The following HSPA14 variants were observed in gnomAD, a reference collection of about 807,000 sequenced individuals.
HSPA14 encodes heat shock 70 kDa protein 14.
HSPA14 carries 37 observed loss-of-function variants against 65.5 expected under a neutral mutation model. That is an observed-to-expected ratio of 0.56 (90% CI 0.43 to 0.74). The LOEUF (loss-of-function observed/expected upper bound fraction) is 0.74. Ranked by LOEUF, HSPA14 falls within the 30% of genes least tolerant of loss-of-function variation. HSPA14 has a pLI of 0.00. For missense variants in HSPA14, 564 were observed against 607.6 expected, an observed-to-expected ratio of 0.93 and a Z score of 0.75; for synonymous variants, 203 against 214.2, an observed-to-expected ratio of 0.95 and a Z score of 0.46.
intron 1 of HSPA14, 88 bp from the exon 2 acceptor site, chr10:14,839,817 C>A: frequency 1.1e-6 from 1 of 889,464 alleles, no homozygotes; most frequent in Non-Finnish European, 1.7e-6. Context: ...TTTTTCTTTC[C>A]ACACAGATGG....
intron 3 of HSPA14, chr10:14,845,550 C>CA (rs1834038321): frequency 9.2e-6 from 9 of 983,512 alleles, no homozygotes; most frequent in Non-Finnish European, 8.4e-6. Context: ...GGAATCCTGT[C>CA]ACAGTTTGTT....
intron 3 of HSPA14, chr10:14,843,538 C>T: frequency 6.4e-7 from 1 of 1,550,720 alleles, no homozygotes; most frequent in Non-Finnish European, 8.7e-7. Context: ...ACCGCAGACT[C>T]CAGTCTCCTC....
rs904011216 is a variant in HSPA14, at chr10:14,855,876, A to G, written c.926A>G (p.Asn309Ser). Residue 309 changes from asparagine to serine, a missense_variant, in exon 10 of 14, where the codon AAT becomes AGT. Asn to Ser is a conservative substitution (Grantham distance 46). Coordinates refer to ENST00000378372, the MANE Select transcript of HSPA14 (RefSeq NM_016299.4). ...RFELLCSPLFNKCIEAIRGLL... is the reference protein window; with the variant it reads ...RFELLCSPLFSKCIEAIRGLL... ...GAACTTCTTTGTTCTCCACTTTTTA[A>G]TAAGTGTATAGAAGCAATCAGAGGA... 2 of 1,608,022 alleles carry G rather than the reference A, an allele frequency of 1.2e-6. No homozygotes were observed. Among genetic ancestry groups the G allele is most frequent in the Non-Finnish European group, 1.7e-6 (2 of 1,174,848 alleles).
chr10:14,851,012 C>G (rs1834104750), intron 6 of HSPA14: 1 of 448,178 alleles, frequency 2.2e-6, no homozygotes, highest in African/African-American at 2.1e-5. Flanking sequence ...AATATGGGCT[C>G]TGAACATTAC....
chr10:14,864,009 A>G (rs1832780068), intron 10 of HSPA14, among the ~76,000 whole-genome samples: 1 of 151,920 alleles, frequency 6.6e-6, no homozygotes, highest in Admixed American at 6.6e-5. Flanking sequence ...AAGCCACGAA[A>G]AGAGACCTCA....
At position 14,838,421 on chromosome 10, in the gene HSPA14, C is replaced by A. The variant is rs1833919377; in HGVS notation, c.19C>A (p.His7Asn). 1.2e-6 allele frequency: 2 copies of A among 1,606,188 alleles called. No homozygotes were observed. The highest frequency in any genetic ancestry group is 1.7e-5 in the Admixed American group (1 of 59,490). Reference protein sequence around the residue: MAAIGVHLGCTSACVAV... With the variant: MAAIGVNLGCTSACVAV... ...CTGCCTCATGGCGGCCATCGGAGTTCACCTGGGCTGCACCTCAGCCTGTGT... is the reference window on the plus strand; with the variant it reads ...CTGCCTCATGGCGGCCATCGGAGTTAACCTGGGCTGCACCTCAGCCTGTGT... The change falls in exon 1 of 14, where the codon CAC becomes AAC. Residue 7 changes from histidine (H) to asparagine (N), a missense_variant. Transcript: ENST00000378372.
chr10:14,867,882 T>G lies in HSPA14; in HGVS notation c.1353T>G (p.Ser451=). 6.2e-7 allele frequency: 1 copy of G among 1,613,822 alleles called. No homozygotes were observed. Among genetic ancestry groups the G allele is most frequent in the Non-Finnish European group, 8.5e-7 (1 of 1,179,914 alleles). ...TCTATGAGTCTGATGGGAAGAACTC[T>G]GCCAAAGAGGAAACCAAGTTTGCAC... ...LELYESDGKN[S]AKEETKFAQV... The change falls in exon 12 of 14, where the codon TCT becomes TCG. Residue 451 remains serine, a synonymous_variant. Transcript: ENST00000378372.
chr10:14,851,206 A>C lies in HSPA14; in HGVS notation c.468-13A>C. The C allele has an allele frequency of 6.9e-7, 1 of 1,454,504 alleles. No homozygotes were observed. The highest frequency in any genetic ancestry group is 1.4e-5 in the African/African-American group (1 of 70,708). 90.1% of individuals were successfully genotyped at this position (1,454,504 alleles called of 1,614,324 possible). A position where few individuals can be genotyped will look rare whatever the true frequency, so the allele number is the denominator to read the frequency against. Reference sequence around the variant, plus strand: ...GTGATAAATTAAATTCATTGAAAGCAAATTGTTCACAGAGAAGCAGCTAGA... The same window carrying C: ...GTGATAAATTAAATTCATTGAAAGCCAATTGTTCACAGAGAAGCAGCTAGA... On this transcript the variant is annotated splice_polypyrimidine_tract_variant and intron_variant, in intron 6 of 13. Transcript: ENST00000378372.
Position 14,848,815 on chromosome 10 carries a change from G to C in HSPA14, c.296G>C (p.Arg99Pro), listed in dbSNP as rs766422205. The part of the protein sequence containing the change: ...CLVIEKNGKL[R>P]YEIDTGEETK... ...GTCATTGAAAAAAATGGGAAATTAC[G>C]ATATGAAATAGATACTGGAGAAGAA... The change falls in exon 5 of 14, where the codon CGA becomes CCA. Residue 99 changes from arginine (R) to proline (P), a missense_variant. Transcript: ENST00000378372. 2.5e-6 allele frequency: 4 copies of C among 1,575,994 alleles called. No individual in the cohort carries two copies. Among genetic ancestry groups the C allele is most frequent in the Non-Finnish European group, 3.5e-6 (4 of 1,153,972 alleles).
At chr10:14,846,872 A>G (rs935464058) in intron 3 of HSPA14, 3 of 985,300 alleles carry the variant, frequency 3.0e-6, no homozygotes, top group Non-Finnish European at 3.6e-6. Flanking sequence ...GTGATACACA[A>G]CCATAGGATT....
At chr10:14,864,999 T>G (rs1356200884) in intron 10 of HSPA14, among the ~76,000 whole-genome samples, 2 of 152,048 alleles carry the variant, frequency 1.3e-5, no homozygotes, top group Non-Finnish European at 2.9e-5. Context: ...TCCTGACTTT[T>G]TAATGATCGC....
At chr10:14,845,151 G>A in intron 3 of HSPA14, 1 of 985,390 alleles carries the variant, frequency 1.0e-6, no homozygotes, top group Non-Finnish European at 1.2e-6. Context: ...GAGAGATGAA[G>A]GTGATAAGCC....
chr10:14,868,016 T>A, intron 12 of HSPA14, 107 bp downstream of exon 12: 1 of 820,306 alleles, frequency 1.2e-6, no homozygotes, highest in Non-Finnish European at 1.8e-6. Context: ...GGACACCTAA[T>A]ACATTTTTAT....
chr10:14,846,724 T>A, intron 3 of HSPA14: 7 of 984,138 alleles, frequency 7.1e-6, no homozygotes, highest in Non-Finnish European at 8.4e-6. Flanking sequence ...TTCAGACATG[T>A]AAGGCACTGT....
intron 12 of HSPA14, among the ~76,000 whole-genome samples, chr10:14,869,305 T>C (rs563487778): frequency 6.6e-6 from 1 of 151,516 alleles, no homozygotes; most frequent in Admixed American, 6.6e-5. Context: ...TATTTTAATT[T>C]TTTTTTTTTA....
At chr10:14,855,535 T>C (rs985164122) in intron 9 of HSPA14, among the ~76,000 whole-genome samples, 1 of 152,162 alleles carries the variant, frequency 6.6e-6, no homozygotes, top group Admixed American at 6.5e-5. Flanking sequence ...GTTTTTAGAT[T>C]TGTTATTTTT....
At chr10:14,864,506 G>T (rs540679729) in intron 10 of HSPA14, among the ~76,000 whole-genome samples, 2 of 131,610 alleles carry the variant, frequency 1.5e-5, no homozygotes, top group African/African-American at 5.6e-5. Flanking sequence ...AACAGGCCCC[G>T]GTGTGTGATG....
intron 10 of HSPA14, among the ~76,000 whole-genome samples, chr10:14,866,309 A>G (rs759169170): frequency 3.3e-5 from 5 of 152,202 alleles, no homozygotes; most frequent in Non-Finnish European, 5.9e-5. Flanking sequence ...GTCCCTCATT[A>G]CTTCATACTG....
In HSPA14 at chr10:14,852,382, G is replaced by A. The variant is rs752242540; in HGVS notation, c.585G>A (p.Val195=). 3 of 1,612,920 alleles carry A rather than the reference G, an allele frequency of 1.9e-6. No individual in the cohort carries two copies. The highest frequency in any genetic ancestry group is 2.5e-6 in the Non-Finnish European group (3 of 1,179,484). ...DSPTGKSNIL[V]FKLGGTSLSL... ...TCTTCTCTTGAAGCAATATTTTGGT[G>A]TTTAAGCTTGGAGGAACATCCTTAT... is the stretch of plus-strand genomic sequence containing the variant. The change falls in exon 8 of 14, where the codon GTG becomes GTA. Residue 195 remains valine, a synonymous_variant. Transcript: ENST00000378372.
Sources: allele counts gnomAD v4.1 joint callset (sites outside exome capture counted in the v4.1 genomes callset), GRCh38; gene constraint gnomAD v4.1.1; transcripts MANE v1.5; gene names NCBI Gene and HGNC (gene_info 2026-07-23, HGNC 2026-07-21).